The following SNRNP200 variants were observed in gnomAD, a reference collection of about 807,000 sequenced individuals.
SNRNP200 encodes U5 small nuclear ribonucleoprotein 200 kDa helicase.
In SNRNP200, 66 loss-of-function variants were observed where a neutral mutation model predicts 255.2. That is an observed-to-expected ratio of 0.26 (90% CI 0.21 to 0.32). SNRNP200 has a LOEUF of 0.32. SNRNP200 is among the 10% of genes least tolerant of loss of function. The pLI is 1.00. For missense variants in SNRNP200, 1,585 were observed against 2,749.8 expected, an observed-to-expected ratio of 0.58 and a Z score of 9.47; for synonymous variants, 939 against 1,027.8, an observed-to-expected ratio of 0.91 and a Z score of 1.65.
rs890674410 is a variant in SNRNP200 at position 96,291,015 on chromosome 2, T to C, written c.2422-200A>G. Among the ~76,000 whole-genome samples the C allele has an allele frequency of 3.3e-5, 5 of 152,148 alleles. No homozygotes were observed. Among genetic ancestry groups the C allele is most frequent in the African/African-American group, 4.8e-5 (2 of 41,414 alleles). On this transcript the variant is annotated intron_variant, in intron 18 of 44. Coordinates refer to ENST00000323853, the MANE Select transcript of SNRNP200 (RefSeq NM_014014.5). This position sits in a 1 kb window ranked among gnomAD's most constrained non-coding sequence, Gnocchi z 4.2. ...TTCCTCATCTATTCAGTAATGAACA[T>C]TTCAAGGTTCCAGAGGCACAAGTGC...
At chr2:96,275,209 CCCTT>C (rs1558761669) in intron 44 of SNRNP200, 44 bp downstream of exon 44, 1 of 1,614,018 alleles carries the variant, frequency 6.2e-7, no homozygotes, top group South Asian at 1.1e-5. Context: ...AGCATTCTCA[CCCTT>C]CCCCCATGCC....
rs1323457185 is a variant in SNRNP200 at position 96,278,352 on chromosome 2, A to G, written c.5495T>C (p.Phe1832Ser). ...YYINYTTIELFSMSLNAKTKV... is the reference protein window; with the variant it reads ...YYINYTTIELSSMSLNAKTKV... ...GGTCTTGGCATTGAGGGACATGCTG[A>G]AGAGCTCTGACAGAAAAAGGAAATG... Residue 1832 changes from phenylalanine (F) to serine (S), a missense_variant, in exon 39 of 45, where the codon TTC becomes TCC. Coordinates refer to ENST00000323853, the MANE Select transcript of SNRNP200 (RefSeq NM_014014.5). This position sits in a 1 kb window ranked among gnomAD's most constrained non-coding sequence, Gnocchi z 6.9. 1 of 1,614,188 alleles carries G rather than the reference A, an allele frequency of 6.2e-7. No individual in the cohort carries two copies. The highest frequency in any genetic ancestry group is 8.5e-7 in the Non-Finnish European group (1 of 1,180,036).
Position 96,289,258 on chromosome 2 carries a change from G to A in SNRNP200, c.3062C>T (p.Ser1021Phe). 1 of 1,614,234 alleles carries A rather than the reference G, an allele frequency of 6.2e-7. No individual in the cohort carries two copies. The highest frequency in any genetic ancestry group is 8.5e-7 in the Non-Finnish European group (1 of 1,180,046). Reference protein sequence around the residue: ...EIELFRVFSLSSEFKNITVRE... With the variant: ...EIELFRVFSLFSEFKNITVRE... ...CACTGTGATGTTCTTGAACTCAGAG[G>A]ACAATGAGAAGACCCTGAAAAGCTC... Residue 1021 changes from serine (S) to phenylalanine (F), a missense_variant, in exon 22 of 45, where the codon TCC becomes TTC. Ser to Phe is a radical substitution (Grantham distance 155, BLOSUM62 -2). Around this residue, in one of 9 missense-constraint regions of SNRNP200, gnomAD observed 719 missense variants for 1,091.1 expected, o/e 0.66. Transcript: ENST00000323853.
Position 96,301,594 on chromosome 2 carries a change from T to C in SNRNP200, c.504A>G (p.Arg168=), listed in dbSNP as rs2063952771. Residue 168 remains arginine (R), a synonymous_variant, in exon 4 of 45, where the codon AGA becomes AGG. Coordinates refer to ENST00000323853, the MANE Select transcript of SNRNP200 (RefSeq NM_014014.5). ...DLLLGQTDDT[R]YHVLVNLGKK... is the part of the protein sequence containing the mutation. The stretch of plus-strand genomic sequence containing the variant: ...TGCCCAGGTTCACTAGCACATGGTA[T>C]CTGGTATCATCTGTTTGACCCAGCA... The C allele has an allele frequency of 2.5e-6, 4 of 1,614,242 alleles. No individual in the cohort carries two copies. The highest frequency in any genetic ancestry group is 2.5e-6 in the Non-Finnish European group (3 of 1,180,042).
In SNRNP200 at chr2:96,277,180, T is replaced by C; in HGVS notation, c.5993A>G (p.Gln1998Arg). 6.2e-7 allele frequency: 1 copy of C among 1,614,208 alleles called. No homozygotes were observed. Among genetic ancestry groups the C allele is most frequent in the Non-Finnish European group, 8.5e-7 (1 of 1,180,038 alleles). The change falls in exon 42 of 45, where the codon CAG becomes CGG. Residue 1998 changes from glutamine (Q) to arginine (R), a missense_variant. By Grantham distance (43) the Gln-to-Arg change is conservative (BLOSUM62 1). Transcript: ENST00000323853. The surrounding 1 kb of genome is among the most constrained non-coding windows in gnomAD (Gnocchi z 4.4). ...MEDEERNALLQLTDSQIADVA... is the reference protein window; with the variant it reads ...MEDEERNALLRLTDSQIADVA... ...ATCTGCAATCTGGCTGTCAGTCAGC[T>C]GAAGCAACGCGTTCCGTTCTTCATC...
Position 96,285,239 on chromosome 2 carries a change from G to A in SNRNP200, c.4105C>T (p.Leu1369=), listed in dbSNP as rs1281998354. Residue 1369 remains leucine, a synonymous_variant, in exon 30 of 45, where the codon CTG becomes TTG. Coordinates refer to ENST00000323853, the MANE Select transcript of SNRNP200 (RefSeq NM_014014.5). ...ACACAGCGCCCCTCCGAGCTCTGCAGCAGCATTCGCAGGATGGCAAACTCT... is the reference window on the plus strand; with the variant it reads ...ACACAGCGCCCCTCCGAGCTCTGCAACAGCATTCGCAGGATGGCAAACTCT... ...CAEFAILRML[L]QSSEGRCVYI... 6 of 1,614,068 alleles carry A rather than the reference G, an allele frequency of 3.7e-6. No individual in the cohort carries two copies. In the African/African-American group the frequency reaches 8.0e-5, roughly 22 times the overall value.
rs1180101928 is a variant in SNRNP200 at position 96,293,030 on chromosome 2, A to C, written c.2102T>G (p.Phe701Cys). Residue 701 changes from phenylalanine to cysteine, a missense_variant, in exon 16 of 45, where the codon TTC (phenylalanine) becomes TGC (cysteine). This residue lies in a region of SNRNP200 where 140 missense variants were observed against 274.9 expected (regional missense o/e 0.51). Coordinates refer to ENST00000323853, the MANE Select transcript of SNRNP200 (RefSeq NM_014014.5). ...GITEKKAIKRFQIMNEIVYEK... is the reference protein window; with the variant it reads ...GITEKKAIKRCQIMNEIVYEK... The stretch of plus-strand genomic sequence containing the variant: ...ATAGACGATTTCATTCATGATCTGG[A>C]AACGCTTGATAGCTTTTTTCTCTGT... 6.2e-7 allele frequency: 1 copy of C among 1,614,202 alleles called. No homozygotes were observed. Among genetic ancestry groups the C allele is most frequent in the East Asian group, 2.2e-5 (1 of 44,890 alleles).
chr2:96,293,488 C>T lies in SNRNP200; in HGVS notation c.1864G>A (p.Asp622Asn), dbSNP rs747218822. Residue 622 changes from aspartate to asparagine, a missense_variant, in exon 15 of 45, where the codon GAT becomes AAT. Transcript: ENST00000323853. ...GCTTCTAAGACAGGACCTCTGTCAT[C>T]GTGGAGAAGATGAATCTCATCCTAC... The part of the protein sequence containing the change: ...IILDEIHLLH[D>N]DRGPVLEALV... 7 of 1,612,270 alleles carry T rather than the reference C, an allele frequency of 4.3e-6. No individual in the cohort carries two copies. In the African/African-American group the frequency reaches 5.3e-5, roughly 12 times the overall value.
intron 43 of SNRNP200, among the ~76,000 whole-genome samples, chr2:96,275,985 G>A (rs1275685459): frequency 2.0e-5 from 3 of 152,182 alleles, no homozygotes; most frequent in African/African-American, 4.8e-5. Flanking sequence ...CAGCCTGGGC[G>A]ACAGAGCGAG....
intron 29 of SNRNP200, among the ~76,000 whole-genome samples, chr2:96,285,693 C>T (rs1375131962): frequency 6.6e-6 from 1 of 152,224 alleles, no homozygotes; most frequent in Non-Finnish European, 1.5e-5. Context: ...TTCTCTGCCC[C>T]TTCAACACTC....
In SNRNP200 at chr2:96,291,584, C is replaced by A; in HGVS notation, c.2311-82G>T. The A allele has an allele frequency of 8.0e-7, 1 of 1,244,568 alleles. No homozygotes were observed. The highest frequency in any genetic ancestry group is 1.2e-6 in the Non-Finnish European group (1 of 846,500). 77.1% of individuals were successfully genotyped at this position (1,244,568 alleles called of 1,614,324 possible). A position where few individuals can be genotyped will look rare whatever the true frequency, so the allele number is the denominator to read the frequency against. ...CTAAGGAAATCTCCTCCCATGAGAC[C>A]CTGCCCCTTAACTATTATGTGGAAT... On this transcript the variant is annotated intron_variant, in intron 17 of 44. Coordinates refer to ENST00000323853, the MANE Select transcript of SNRNP200 (RefSeq NM_014014.5). The surrounding 1 kb of genome is among the most constrained non-coding windows in gnomAD (Gnocchi z 4.2).
In SNRNP200 at chr2:96,277,381, A is replaced by G; in HGVS notation, c.5932-140T>C. 3 of 1,265,382 alleles carry G rather than the reference A, an allele frequency of 2.4e-6. No homozygotes were observed. Among genetic ancestry groups the G allele is most frequent in the Non-Finnish European group, 3.4e-6 (3 of 874,492 alleles). The allele number at this position is 1,265,382 out of a possible 1,614,324, so 78.4% of individuals were successfully genotyped here. ...CAGCTGCAGAAAGAACACAGCCCAC[A>G]GTTGGCAGGCTCTCTAGCATCTCAA... On this transcript the variant is annotated intron_variant, in intron 41 of 44. Coordinates refer to ENST00000323853, the MANE Select transcript of SNRNP200 (RefSeq NM_014014.5). The surrounding 1 kb of genome is among the most constrained non-coding windows in gnomAD (Gnocchi z 4.4).
At chr2:96,285,385 A>G in intron 29 of SNRNP200, 45 bp from the exon 30 acceptor site, 1 of 1,600,108 alleles carries the variant, frequency 6.2e-7, no homozygotes, top group Non-Finnish European at 8.6e-7. Context: ...AAGAAGGAAG[A>G]AGAGACGGAC....
rs768294381 is a variant in SNRNP200 at position 96,281,795 on chromosome 2, G to C, written c.5024+19C>G. 3 of 1,550,650 alleles carry C rather than the reference G, an allele frequency of 1.9e-6. No homozygotes were observed. Among genetic ancestry groups the C allele is most frequent in the Non-Finnish European group, 2.7e-6 (3 of 1,122,192 alleles). On this transcript the variant is annotated intron_variant, in intron 35 of 44. Coordinates refer to ENST00000323853, the MANE Select transcript of SNRNP200 (RefSeq NM_014014.5). ...TAGGAAGGAGGTCTGTGCTAACACA[G>C]AGCACCAGTTGTACTCACGCGTGGA...
At position 96,286,222 on chromosome 2, in the gene SNRNP200, C is replaced by T; in HGVS notation, c.4003+89G>A. On this transcript the variant is annotated intron_variant, in intron 29 of 44. Transcript: ENST00000323853. This position sits in a 1 kb window ranked among gnomAD's most constrained non-coding sequence, Gnocchi z 4.8. Reference sequence around the variant, plus strand: ...AGGAGCTCCCAGACCTCCCAAGTGCCTGAGCACCCCCACTCCCCTGCCTGC... The same window carrying T: ...AGGAGCTCCCAGACCTCCCAAGTGCTTGAGCACCCCCACTCCCCTGCCTGC... 1.5e-6 allele frequency: 2 copies of T among 1,373,872 alleles called. No individual in the cohort carries two copies. Among genetic ancestry groups the T allele is most frequent in the East Asian group, 2.3e-5 (1 of 43,678 alleles). The allele number at this position is 1,373,872 out of a possible 1,614,324, so 85.1% of individuals were successfully genotyped here.
chr2:96,297,912 G>A (rs557018931), intron 9 of SNRNP200, among the ~76,000 whole-genome samples, 192 bp from the exon 10 acceptor site: 17 of 152,332 alleles, frequency 1.1e-4, no homozygotes, highest in African/African-American at 2.6e-4. Flanking sequence ...GGGGCAATGC[G>A]CAGTACAAGG....
chr2:96,277,747 G>A lies in SNRNP200; in HGVS notation c.5755-32C>T. On this transcript the variant is annotated intron_variant, in intron 40 of 44. Transcript: ENST00000323853. The surrounding 1 kb of genome is among the most constrained non-coding windows in gnomAD (Gnocchi z 4.4). ...AGGAAAAGGAGTATAAAAGTGGGCG[G>A]AGTTGGAGCTGAGATGTTTAGAGCA... 3 of 1,614,108 alleles carry A rather than the reference G, an allele frequency of 1.9e-6. No individual in the cohort carries two copies. The highest frequency in any genetic ancestry group is 2.5e-6 in the Non-Finnish European group (3 of 1,180,020).
In SNRNP200 at chr2:96,283,582, A is replaced by C; in HGVS notation, c.4716T>G (p.Thr1572=). Residue 1572 remains threonine (T), a synonymous_variant, in exon 33 of 45, where the codon ACT becomes ACG. Transcript: ENST00000323853. This position sits in a 1 kb window ranked among gnomAD's most constrained non-coding sequence, Gnocchi z 4.7. The stretch of plus-strand genomic sequence containing the variant: ...CACAGGTGGTGAGGATGTCAATGGC[A>C]GTGAGGCGGGTCTGCTTGCGAGACG... ...FVPSRKQTRL[T]AIDILTTCAA... 2 of 1,614,120 alleles carry C rather than the reference A, an allele frequency of 1.2e-6. No individual in the cohort carries two copies. The highest frequency in any genetic ancestry group is 1.7e-6 in the Non-Finnish European group (2 of 1,180,030).
rs745720320 is a variant in SNRNP200, at chr2:96,286,296, G to A, written c.4003+15C>T. The A allele has an allele frequency of 6.2e-7, 1 of 1,613,474 alleles. No homozygotes were observed. Among genetic ancestry groups the A allele is most frequent in the Non-Finnish European group, 8.5e-7 (1 of 1,179,528 alleles). Reference sequence around the variant, plus strand: ...TGACTTCAAAAGCCTCCAGAGGAGGGATGGAAACACTTACCCTGGGTCTGG... The same window carrying A: ...TGACTTCAAAAGCCTCCAGAGGAGGAATGGAAACACTTACCCTGGGTCTGG... On this transcript the variant is annotated intron_variant, in intron 29 of 44. Coordinates refer to ENST00000323853, the MANE Select transcript of SNRNP200 (RefSeq NM_014014.5). The surrounding 1 kb of genome is among the most constrained non-coding windows in gnomAD (Gnocchi z 4.8).
Sources: allele counts gnomAD v4.1 joint callset (sites outside exome capture counted in the v4.1 genomes callset), GRCh38; gene constraint gnomAD v4.1.1; regional missense constraint gnomAD v4.1.1; non-coding constraint Gnocchi (gnomAD v3.1); transcripts MANE v1.5; gene names NCBI Gene and HGNC (gene_info 2026-07-23, HGNC 2026-07-21).